Variants in PITPNC1 observed in about 807,000 individuals in gnomAD.
The protein encoded by PITPNC1 is cytoplasmic phosphatidylinositol transfer protein 1.
In PITPNC1, 18 loss-of-function variants were observed where a neutral mutation model predicts 44.7. The observed-to-expected ratio is 0.40, with a 90% CI of 0.28 to 0.60. The LOEUF (loss-of-function observed/expected upper bound fraction) is 0.60, where lower values mean the gene tolerates loss of function less well. Among genes scored for constraint, PITPNC1 ranks in the 20% least tolerant of loss-of-function variants. The probability of loss-of-function intolerance (pLI) is 0.39; values close to 1 mark genes in which losing one functional copy is unlikely to be tolerated. For missense variants in PITPNC1, 290 were observed against 418.4 expected, an observed-to-expected ratio of 0.69 and a Z score of 2.68; for synonymous variants, 141 against 149.6, an observed-to-expected ratio of 0.94 and a Z score of 0.42.
At chr17:67,470,589 C>A (rs1217609545) in intron 1 of PITPNC1, among the ~76,000 whole-genome samples, 1 of 151,896 alleles carries the variant, frequency 6.6e-6, no homozygotes, top group African/African-American at 2.4e-5. Flanking sequence ...GGGGGGTCAG[C>A]CCCCCTGCCC....
intron 4 of PITPNC1, among the ~76,000 whole-genome samples, chr17:67,559,418 C>T (rs1337645927): frequency 6.6e-6 from 1 of 152,180 alleles, no homozygotes. Flanking sequence ...TAGGAAATAA[C>T]TTTTATCTAT....
chr17:67,407,492 A>C (rs960851009), intron 1 of PITPNC1, among the ~76,000 whole-genome samples: 3 of 152,198 alleles, frequency 2.0e-5, no homozygotes, highest in African/African-American at 7.2e-5. Flanking sequence ...TTTAAAACAC[A>C]AAAGTTTTAA....
In PITPNC1 at chr17:67,513,047, G is replaced by T. The variant is rs576020886; in HGVS notation, c.49-19755G>T. 7.9e-5 allele frequency among the ~76,000 whole-genome samples: 12 copies of T among 152,080 alleles called. No homozygotes were observed. The East Asian group carries it at 9.7e-4, about 12-fold the overall frequency. On this transcript the variant is annotated intron_variant, in intron 1 of 8. Transcript: ENST00000581322. ...ATAATGGGATGCACACAATCATATA[G>T]AAATCATATAATAATTATTAAAAAT...
At chr17:67,449,629 T>G (rs1223432189) in intron 1 of PITPNC1, among the ~76,000 whole-genome samples, 1 of 152,222 alleles carries the variant, frequency 6.6e-6, no homozygotes, top group African/African-American at 2.4e-5. Context: ...GTATGAGAAC[T>G]TCAACGTTAG....
chr17:67,577,904 A>G (rs916683859), intron 4 of PITPNC1, among the ~76,000 whole-genome samples: 5 of 152,172 alleles, frequency 3.3e-5, no homozygotes, highest in African/African-American at 9.7e-5. Context: ...AGCTTATGCT[A>G]GGAGTCACAG....
chr17:67,533,214 C>G (rs1052108907), intron 2 of PITPNC1, among the ~76,000 whole-genome samples: 3 of 152,114 alleles, frequency 2.0e-5, no homozygotes, highest in Non-Finnish European at 4.4e-5. Flanking sequence ...GAGCTATACT[C>G]ACAGTACTGC....
At chr17:67,527,216 T>C (rs17655086) in intron 1 of PITPNC1, among the ~76,000 whole-genome samples, 3 of 30,412 alleles carry the variant, frequency 9.9e-5, no homozygotes, top group Non-Finnish European at 2.5e-4. Context: ...TCACGAGGCC[T>C]AGATTTTTAA....
chr17:67,402,426 T>C lies in PITPNC1; in HGVS notation c.48+24224T>C, dbSNP rs1044740292. On this transcript the variant is annotated intron_variant, in intron 1 of 8. Transcript: ENST00000581322. ...TTCAGCTTTAACACTAGCACTGTCA[T>C]TTTCAGAAGCCGCATCAAACTGCTG... Among the ~76,000 whole-genome samples, 34 of 152,158 alleles carry C rather than the reference T, an allele frequency of 2.2e-4. 1 individual carries two copies.
At chr17:67,684,724 A>T (rs926431426) in intron 8 of PITPNC1, among the ~76,000 whole-genome samples, 2 of 152,188 alleles carry the variant, frequency 1.3e-5, no homozygotes, top group African/African-American at 4.8e-5. Flanking sequence ...AATTTTTAAC[A>T]ATTGCATAGT....
intron 1 of PITPNC1, among the ~76,000 whole-genome samples, chr17:67,428,530 C>G (rs1442564408): frequency 1.4e-5 from 2 of 147,120 alleles, no homozygotes; most frequent in Non-Finnish European, 1.5e-5. Flanking sequence ...GAGACCCTAT[C>G]TCAAAAAGAA....
intron 4 of PITPNC1, among the ~76,000 whole-genome samples, chr17:67,564,131 A>T (rs1405365432): frequency 6.6e-6 from 1 of 150,932 alleles, no homozygotes; most frequent in African/African-American, 2.4e-5. Flanking sequence ...GACAGATTAG[A>T]TAAAAAGATA....
At chr17:67,451,450 C>T (rs1028668727) in intron 1 of PITPNC1, among the ~76,000 whole-genome samples, 6 of 152,124 alleles carry the variant, frequency 3.9e-5, no homozygotes, top group Non-Finnish European at 5.9e-5. Context: ...CAGCCATCAC[C>T]GCAGTCCAGT....
intron 1 of PITPNC1, among the ~76,000 whole-genome samples, chr17:67,522,253 G>A (rs2040334364): frequency 6.7e-6 from 1 of 150,372 alleles, no homozygotes; most frequent in Admixed American, 6.6e-5. Flanking sequence ...GCAGTGCGCC[G>A]AGATCACACC....
chr17:67,520,794 C>A (rs1162816175), intron 1 of PITPNC1, among the ~76,000 whole-genome samples: 1 of 152,146 alleles, frequency 6.6e-6, no homozygotes, highest in Non-Finnish European at 1.5e-5. Context: ...CTCTCTTAAT[C>A]ATTCTTCATG....
At chr17:67,496,423 C>G (rs2039953218) in intron 1 of PITPNC1, among the ~76,000 whole-genome samples, 1 of 152,188 alleles carries the variant, frequency 6.6e-6, no homozygotes, top group Non-Finnish European at 1.5e-5. Flanking sequence ...CCATGCGTGG[C>G]TCCCTTTGAG....
chr17:67,447,846 CTCTT>C (rs752331834), intron 1 of PITPNC1, among the ~76,000 whole-genome samples: 4 of 147,212 alleles, frequency 2.7e-5, no homozygotes, highest in Non-Finnish European at 2.9e-5. Context: ...TCCCAGCTAT[CTCTT>C]TCTTTCTTTC....
chr17:67,575,777 C>G (rs1252575281), intron 4 of PITPNC1, among the ~76,000 whole-genome samples: 1 of 21,462 alleles, frequency 4.7e-5, no homozygotes, highest in African/African-American at 1.1e-4. Context: ...TTCTTTCTTT[C>G]TTTCTTTTCT....
rs1370770372 is a variant in PITPNC1, at chr17:67,633,385, TGCC to T, written c.462+1148_462+1150del. ...CTCCCGACGTGGTTCAGATTTCTTT[TGCC>T]TCCACATTTTGGGGTTCATTTCGGT... On this transcript the variant is annotated intron_variant, in intron 6 of 8. Coordinates refer to ENST00000581322, the MANE Select transcript of PITPNC1 (RefSeq NM_012417.4). Among the ~76,000 whole-genome samples, 12 of 152,374 alleles carry T rather than the reference TGCC, an allele frequency of 7.9e-5. No homozygotes were observed. In the East Asian group the frequency reaches 2.1e-3, roughly 27 times the overall value.
chr17:67,445,752 T>C (rs1365772422), intron 1 of PITPNC1, among the ~76,000 whole-genome samples: 2 of 151,984 alleles, frequency 1.3e-5, no homozygotes, highest in African/African-American at 4.8e-5. Flanking sequence ...AGCGAAACTT[T>C]GTTATTCATG....
Sources: allele counts gnomAD v4.1 joint callset (sites outside exome capture counted in the v4.1 genomes callset), GRCh38; gene constraint gnomAD v4.1.1; transcripts MANE v1.5; gene names NCBI Gene and HGNC (gene_info 2026-07-23, HGNC 2026-07-21).